The following PTPRD variants were observed in gnomAD, a reference collection of about 807,000 sequenced individuals.
PTPRD encodes the protein protein tyrosine phosphatase receptor type D, also known as receptor-type tyrosine-protein phosphatase delta.
A neutral mutation model predicts 214.5 loss-of-function variants in PTPRD; 34 were observed. That is an observed-to-expected ratio of 0.16 (90% confidence interval 0.12 to 0.21). The LOEUF is 0.21. Ranked by LOEUF, PTPRD falls within the 10% of genes least tolerant of loss-of-function variation. The pLI is 1.00. For synonymous variants in PTPRD, 1,128 were observed against 845.7 expected, an observed-to-expected ratio of 1.33 and a Z score of -5.79; for missense variants, 2,545 against 2,398.7, an observed-to-expected ratio of 1.06 and a Z score of -1.27.
intron 12 of PTPRD, among the ~76,000 whole-genome samples, chr9:8,701,761 C>A (rs2098089525): frequency 6.6e-6 from 1 of 152,182 alleles, no homozygotes; most frequent in Middle Eastern, 3.2e-3. Context: ...ATTTTAATCT[C>A]CCTGAATACT....
chr9:8,697,413 TG>T (rs1272583431), intron 12 of PTPRD, among the ~76,000 whole-genome samples: 4 of 144,610 alleles, frequency 2.8e-5, no homozygotes, highest in African/African-American at 1.0e-4. Flanking sequence ...TTTATTTTTA[TG>T]TACTTTTTTT....
intron 2 of PTPRD, among the ~76,000 whole-genome samples, chr9:10,599,927 C>A (rs2077545204): frequency 6.6e-6 from 1 of 151,654 alleles, no homozygotes; most frequent in South Asian, 2.1e-4. Flanking sequence ...GAAGCAGTCT[C>A]CCAATATTAT....
intron 2 of PTPRD, among the ~76,000 whole-genome samples, chr9:10,352,710 A>G (rs943466793): frequency 2.6e-5 from 4 of 152,058 alleles, no homozygotes; most frequent in African/African-American, 7.2e-5. Flanking sequence ...TTGATTATTC[A>G]ATGATGAAGT....
chr9:8,494,330 T>A (rs780607413), intron 26 of PTPRD, among the ~76,000 whole-genome samples: 1 of 152,120 alleles, frequency 6.6e-6, no homozygotes, highest in African/African-American at 2.4e-5. Flanking sequence ...TCAGATATCA[T>A]CCTGAAGAGT....
chr9:8,779,153 C>A (rs573334233), intron 11 of PTPRD, among the ~76,000 whole-genome samples: 1 of 152,254 alleles, frequency 6.6e-6, no homozygotes, highest in South Asian at 2.1e-4. Flanking sequence ...ATACCCATAG[C>A]AGAAGGCTGA....
chr9:9,480,300 C>T (rs1030188653), intron 8 of PTPRD, among the ~76,000 whole-genome samples: 2 of 152,060 alleles, frequency 1.3e-5, no homozygotes, highest in Non-Finnish European at 2.9e-5. Context: ...AAGTTAAGTT[C>T]GGCTTGAGAC....
chr9:10,504,242 C>T (rs910320841), intron 2 of PTPRD, among the ~76,000 whole-genome samples: 2 of 150,114 alleles, frequency 1.3e-5, no homozygotes, highest in African/African-American at 4.9e-5. Context: ...GAACTCTCTC[C>T]TATCTACATG....
intron 3 of PTPRD, among the ~76,000 whole-genome samples, chr9:10,215,052 T>C (rs2099535072): frequency 6.6e-6 from 1 of 152,068 alleles, no homozygotes; most frequent in African/African-American, 2.4e-5. Flanking sequence ...ACTCTAGTCT[T>C]AAAATGTATC....
At chr9:9,134,058 CTTTTTT>C (rs928663989) in intron 10 of PTPRD, among the ~76,000 whole-genome samples, 3 of 75,444 alleles carry the variant, frequency 4.0e-5, no homozygotes, top group South Asian at 1.2e-3. Context: ...TAGAATCATT[CTTTTTT>C]TTTTTTTTTT....
chr9:8,830,345 G>A (rs2097262911), intron 11 of PTPRD, among the ~76,000 whole-genome samples: 1 of 151,754 alleles, frequency 6.6e-6, no homozygotes, highest in Non-Finnish European at 1.5e-5. Flanking sequence ...AGCACTTGAG[G>A]GAAAATAATC....
Position 9,964,823 on chromosome 9 carries a change from C to T in PTPRD, c.-471-26213G>A, listed in dbSNP as rs990478193. On this transcript the variant is annotated intron_variant, in intron 4 of 45. Coordinates refer to ENST00000381196, the MANE Select transcript of PTPRD (RefSeq NM_002839.4). ...AAGGCTTAGTTTGTGAGGATAAATA[C>T]GGAATTTGTATGCTTTCTGTTTCAA... Among the ~76,000 whole-genome samples, 15 of 152,110 alleles carry T rather than the reference C, an allele frequency of 9.9e-5. No individual in the cohort carries two copies. The South Asian group carries it at 1.0e-3, about 11-fold the overall frequency.
chr9:9,520,597 A>T (rs968222712), intron 8 of PTPRD, among the ~76,000 whole-genome samples: 1 of 152,198 alleles, frequency 6.6e-6, no homozygotes, highest in Admixed American at 6.5e-5. Flanking sequence ...AAAGGCGCAG[A>T]CTAATTTTGA....
intron 12 of PTPRD, among the ~76,000 whole-genome samples, chr9:8,720,334 C>A (rs2098479100): frequency 6.6e-6 from 1 of 152,212 alleles, no homozygotes. Flanking sequence ...GTAGAAGCTT[C>A]CAGGCTGCTG....
intron 3 of PTPRD, among the ~76,000 whole-genome samples, chr9:10,284,122 A>G (rs945557550): frequency 2.0e-5 from 3 of 152,104 alleles, no homozygotes; most frequent in Non-Finnish European, 4.4e-5. Context: ...TTGAGATTGG[A>G]TTTTTCCTAC....
At chr9:10,224,560 A>G (rs1249579189) in intron 3 of PTPRD, among the ~76,000 whole-genome samples, 1 of 152,096 alleles carries the variant, frequency 6.6e-6, no homozygotes, top group Non-Finnish European at 1.5e-5. Context: ...AAATTCTGCC[A>G]TGCCTATCCT....
At chr9:10,139,459 T>G (rs938142707) in intron 3 of PTPRD, among the ~76,000 whole-genome samples, 1 of 151,996 alleles carries the variant, frequency 6.6e-6, no homozygotes, top group African/African-American at 2.4e-5. Context: ...CCAAAGCAAT[T>G]TAAAGATTCA....
chr9:9,039,424 T>C (rs1005988833), intron 10 of PTPRD, among the ~76,000 whole-genome samples: 1 of 152,208 alleles, frequency 6.6e-6, no homozygotes, highest in Non-Finnish European at 1.5e-5. Context: ...CACATACTTA[T>C]CTCGATGACT....
intron 35 of PTPRD, among the ~76,000 whole-genome samples, chr9:8,418,205 A>G (rs2094089895): frequency 6.6e-6 from 1 of 150,772 alleles, no homozygotes. Context: ...TTGCTTGGAG[A>G]GCACTTTCTT....
chr9:10,378,165 AT>A (rs1175871495), intron 2 of PTPRD, among the ~76,000 whole-genome samples: 3 of 152,080 alleles, frequency 2.0e-5, no homozygotes, highest in African/African-American at 7.2e-5. Flanking sequence ...ATGATCAATG[AT>A]GGTGAACACC....
Sources: allele counts gnomAD v4.1 joint callset (sites outside exome capture counted in the v4.1 genomes callset), GRCh38; gene constraint gnomAD v4.1.1; transcripts MANE v1.5; gene names NCBI Gene and HGNC (gene_info 2026-07-23, HGNC 2026-07-21).